Variants in SUFU observed in about 807,000 individuals in gnomAD.
SUFU encodes the protein SUFU negative regulator of hedgehog signaling.
Under a neutral mutation model 58.9 loss-of-function variants are expected in SUFU, and 7 were observed. The ratio of observed to expected loss-of-function variants is 0.12; its 90% CI spans 0.07 to 0.22. The LOEUF (loss-of-function observed/expected upper bound fraction) is 0.22. Among genes scored for constraint, SUFU ranks in the 10% least tolerant of loss-of-function variants. The pLI is 1.00. For synonymous variants in SUFU, 232 were observed against 254.8 expected (o/e 0.91, Z 0.85); for missense variants, 451 against 641.3 (o/e 0.70, Z 3.20).
At chr10:102,526,544 C>A (rs1467137948) in intron 2 of SUFU, among the ~76,000 whole-genome samples, 1 of 152,024 alleles carries the variant, frequency 6.6e-6, no homozygotes, top group African/African-American at 2.4e-5. Flanking sequence ...CAGAGTGAGA[C>A]CCTGTCTTAA....
intron 2 of SUFU, among the ~76,000 whole-genome samples, chr10:102,543,137 T>G (rs935057498): frequency 6.6e-6 from 1 of 152,212 alleles, no homozygotes; most frequent in Non-Finnish European, 1.5e-5. Flanking sequence ...TACTGCCTAA[T>G]TCTCCTCCAT....
chr10:102,565,890 C>G (rs767079841), intron 3 of SUFU, among the ~76,000 whole-genome samples: 5 of 152,186 alleles, frequency 3.3e-5, no homozygotes, highest in Non-Finnish European at 7.4e-5. Flanking sequence ...ATAATTCACC[C>G]TCGGACAAGG....
At chr10:102,565,417 GGGTT>G (rs2063077030) in intron 3 of SUFU, among the ~76,000 whole-genome samples, 1 of 152,140 alleles carries the variant, frequency 6.6e-6, no homozygotes, top group Non-Finnish European at 1.5e-5. Context: ...GAGTTTGTTG[GGGTT>G]GGGGGGTATG....
intron 2 of SUFU, among the ~76,000 whole-genome samples, chr10:102,515,216 G>A (rs2062452201): frequency 6.6e-6 from 1 of 152,092 alleles, no homozygotes; most frequent in African/African-American, 2.4e-5. Context: ...TTAAAACACT[G>A]GATACAGATT....
In SUFU at chr10:102,630,182, C is replaced by T; in HGVS notation, c.*27C>T. 1 of 1,581,276 alleles carries T rather than the reference C, an allele frequency of 6.3e-7. No individual in the cohort carries two copies. The highest frequency in any genetic ancestry group is 8.7e-7 in the Non-Finnish European group (1 of 1,150,414). Reference sequence around the variant, plus strand: ...CTGGGCTGGGCCCTGCAGTGGCCAGCAGGGAGCCCAGCTGCTCCCCAGTGA... The same window carrying T: ...CTGGGCTGGGCCCTGCAGTGGCCAGTAGGGAGCCCAGCTGCTCCCCAGTGA... On this transcript the variant is annotated 3_prime_UTR_variant, in exon 12 of 12. Transcript: ENST00000369902.
At chr10:102,524,743 C>G (rs890287723) in intron 2 of SUFU, among the ~76,000 whole-genome samples, 1 of 152,082 alleles carries the variant, frequency 6.6e-6, no homozygotes, top group African/African-American at 2.4e-5. Flanking sequence ...TTGTCTGTCC[C>G]CCCTCCTTCC....
At chr10:102,589,555 C>T (rs2063374125) in intron 3 of SUFU, among the ~76,000 whole-genome samples, 1 of 143,092 alleles carries the variant, frequency 7.0e-6, no homozygotes, top group African/African-American at 2.6e-5. Context: ...AAGCAATCCT[C>T]CTGTCTTGGC....
chr10:102,508,932 TAAA>T (rs1347556404), intron 1 of SUFU, among the ~76,000 whole-genome samples: 1 of 152,210 alleles, frequency 6.6e-6, no homozygotes, highest in Non-Finnish European at 1.5e-5. Context: ...GTTTTATTTC[TAAA>T]AGAGGCCCAG....
intron 9 of SUFU, among the ~76,000 whole-genome samples, chr10:102,616,665 G>A (rs867050259): frequency 2.0e-5 from 3 of 152,256 alleles, no homozygotes; most frequent in Non-Finnish European, 2.9e-5. Flanking sequence ...TCCCCCAGGT[G>A]TATTTCCAGA....
chr10:102,506,039 GAAAAAAAAAAAAAAA>G lies in SUFU; in HGVS notation c.182+1718_182+1732del, dbSNP rs1170831161. Among the ~76,000 whole-genome samples the G allele has an allele frequency of 1.3e-3, 108 of 84,214 alleles. 1 individual carries two copies. The highest frequency in any genetic ancestry group is 4.4e-3 in the African/African-American group (104 of 23,628). The allele number at this position is 84,214 out of a possible 152,430, so 55.2% of individuals were successfully genotyped here. A position where few individuals can be genotyped will look rare whatever the true frequency, so the allele number is the denominator to read the frequency against. ...TAGCCAGACCCTAACTCTGTTATTT[GAAAAAAAAAAAAAAA>G]AAAAAAAAAAAAGAAGTGGGCCTGG... On this transcript the variant is annotated intron_variant, in intron 1 of 11. Coordinates refer to ENST00000369902, the MANE Select transcript of SUFU (RefSeq NM_016169.4).
chr10:102,519,313 T>A (rs1253901588), intron 2 of SUFU, among the ~76,000 whole-genome samples: 1 of 151,308 alleles, frequency 6.6e-6, no homozygotes, highest in Non-Finnish European at 1.5e-5. Context: ...TCACCTGAGG[T>A]CGGGAGTTCG....
intron 3 of SUFU, among the ~76,000 whole-genome samples, chr10:102,558,855 T>C (rs777656633): frequency 2.6e-5 from 4 of 152,248 alleles, no homozygotes; most frequent in Non-Finnish European, 5.9e-5. Flanking sequence ...GGGCACTTTC[T>C]GTTCTGTCTT....
intron 3 of SUFU, among the ~76,000 whole-genome samples, chr10:102,569,379 T>G (rs868417166): frequency 1.6e-4 from 25 of 152,188 alleles, no homozygotes; most frequent in Admixed American, 7.2e-4. Context: ...CCACTCTTGA[T>G]AGCTTTAAAG....
At chr10:102,573,534 C>A (rs1338248444) in intron 3 of SUFU, among the ~76,000 whole-genome samples, 1 of 152,152 alleles carries the variant, frequency 6.6e-6, no homozygotes, top group Non-Finnish European at 1.5e-5. Flanking sequence ...TATTTGTGCA[C>A]CAGTTTTCAT....
intron 1 of SUFU, among the ~76,000 whole-genome samples, chr10:102,507,753 A>G (rs1436913077): frequency 6.6e-6 from 1 of 152,154 alleles, no homozygotes; most frequent in East Asian, 1.9e-4. Context: ...CATGTCTTTT[A>G]TTTGGTTGTT....
At chr10:102,551,427 C>G (rs569809742) in intron 3 of SUFU, among the ~76,000 whole-genome samples, 1 of 152,126 alleles carries the variant, frequency 6.6e-6, no homozygotes, top group African/African-American at 2.4e-5. Context: ...CACCTGAGGT[C>G]AGGAGTTCGA....
At chr10:102,514,340 C>T (rs1054344306) in intron 2 of SUFU, among the ~76,000 whole-genome samples, 1 of 152,074 alleles carries the variant, frequency 6.6e-6, no homozygotes, top group African/African-American at 2.4e-5. Flanking sequence ...GAGGGGATGC[C>T]CACCCTGGTA....
intron 1 of SUFU, among the ~76,000 whole-genome samples, chr10:102,507,742 A>G (rs1340813535): frequency 1.3e-5 from 2 of 152,204 alleles, no homozygotes; most frequent in Non-Finnish European, 2.9e-5. Flanking sequence ...ATCACTTGTA[A>G]CATGTCTTTT....
At chr10:102,608,836 C>T (rs1165585252) in intron 8 of SUFU, among the ~76,000 whole-genome samples, 1 of 152,198 alleles carries the variant, frequency 6.6e-6, no homozygotes, top group African/African-American at 2.4e-5. Context: ...AAAATGCCAA[C>T]ATTTTGTGAA....
Sources: allele counts gnomAD v4.1 joint callset (sites outside exome capture counted in the v4.1 genomes callset), GRCh38; gene constraint gnomAD v4.1.1; transcripts MANE v1.5; gene names NCBI Gene and HGNC (gene_info 2026-07-23, HGNC 2026-07-21).